HS6ST3: variants seen among roughly 807,000 people sequenced by gnomAD.
HS6ST3 encodes heparan sulfate 6-O-sulfotransferase 3, also known as heparan-sulfate 6-O-sulfotransferase 3.
In HS6ST3, 12 loss-of-function variants were observed where a neutral mutation model predicts 36.7. The observed-to-expected ratio is 0.33, with a 90% confidence interval of 0.21 to 0.53. The LOEUF (loss-of-function observed/expected upper bound fraction) is 0.53. HS6ST3 is among the 20% of genes least tolerant of loss of function. The pLI, the probability that HS6ST3 is intolerant of heterozygous loss-of-function variation, is 0.95. For synonymous variants in HS6ST3, 240 were observed against 257.5 expected, an observed-to-expected ratio of 0.93 and a Z score of 0.65; for missense variants, 584 against 640.9, an observed-to-expected ratio of 0.91 and a Z score of 0.96.
intron 1 of HS6ST3, among the ~76,000 whole-genome samples, chr13:96,439,500 A>G (rs2055659607): frequency 6.6e-6 from 1 of 152,232 alleles, no homozygotes; most frequent in Admixed American, 6.5e-5. Flanking sequence ...GCATGTGTAG[A>G]GGGTGAGAAT....
At chr13:96,825,767 A>T (rs571063943) in intron 1 of HS6ST3, among the ~76,000 whole-genome samples, 1 of 152,344 alleles carries the variant, frequency 6.6e-6, no homozygotes, top group South Asian at 2.1e-4. Flanking sequence ...GACTCATTAA[A>T]TGAACGTTTA....
chr13:96,301,833 G>A (rs890214900), intron 1 of HS6ST3, among the ~76,000 whole-genome samples: 5 of 150,286 alleles, frequency 3.3e-5, no homozygotes, highest in African/African-American at 4.9e-5. Flanking sequence ...CCCAGGAGGC[G>A]GACGTTGCAG....
In HS6ST3 at chr13:96,554,104, G is replaced by A. The variant is rs529328226; in HGVS notation, c.708-278386G>A. On this transcript the variant is annotated intron_variant, in intron 1 of 1. Coordinates refer to ENST00000376705, the MANE Select transcript of HS6ST3 (RefSeq NM_153456.4). The stretch of plus-strand genomic sequence containing the variant: ...AGATGTGAACATGTTCAGGCAATTA[G>A]AATGTGGTGCCACAGCTCAGGTTGT... Among the ~76,000 whole-genome samples the A allele has an allele frequency of 3.3e-5, 5 of 152,336 alleles. No individual in the cohort carries two copies. In the East Asian group the frequency reaches 9.7e-4, roughly 29 times the overall value.
intron 1 of HS6ST3, among the ~76,000 whole-genome samples, chr13:96,752,299 A>G (rs998802302): frequency 6.6e-5 from 10 of 152,056 alleles, no homozygotes; most frequent in Admixed American, 2.6e-4. Flanking sequence ...CTTGCCGTTT[A>G]CAATCATGCT....
intron 1 of HS6ST3, among the ~76,000 whole-genome samples, chr13:96,583,189 A>G (rs1394063681): frequency 1.4e-5 from 1 of 71,978 alleles, no homozygotes; most frequent in Non-Finnish European, 2.9e-5. Flanking sequence ...AATGGCTTCA[A>G]TTTCTTTTTC....
Position 96,335,734 on chromosome 13 carries a change from T to C in HS6ST3, c.707+244165T>C, listed in dbSNP as rs190340827. 6.5e-3 allele frequency among the ~76,000 whole-genome samples: 988 copies of C among 152,286 alleles called. 8 individuals carry two copies. The highest frequency in any genetic ancestry group is 0.01 in the Non-Finnish European group (708 of 68,016). ...ATTGGTGTAGTCCTCCTCTTTAGAG[T>C]TGATTTCCTCCGGCCTTCAGGGTCC... On this transcript the variant is annotated intron_variant, in intron 1 of 1. Transcript: ENST00000376705.
chr13:96,726,767 T>C (rs555798485), intron 1 of HS6ST3, among the ~76,000 whole-genome samples: 1 of 152,328 alleles, frequency 6.6e-6, no homozygotes, highest in African/African-American at 2.4e-5. Flanking sequence ...TAGCCACTTT[T>C]TTTTTCTTTC....
chr13:96,563,282 A>T (rs897245178), intron 1 of HS6ST3, among the ~76,000 whole-genome samples: 21 of 152,192 alleles, frequency 1.4e-4, no homozygotes, highest in African/African-American at 4.6e-4. Flanking sequence ...ACACTTAAGT[A>T]TATCATATCA....
At chr13:96,678,156 G>C (rs1488648024) in intron 1 of HS6ST3, among the ~76,000 whole-genome samples, 1 of 152,040 alleles carries the variant, frequency 6.6e-6, no homozygotes, top group Non-Finnish European at 1.5e-5. Flanking sequence ...GGAATGAACT[G>C]GCTTTTAAAA....
chr13:96,604,642 A>G (rs773732920), intron 1 of HS6ST3, among the ~76,000 whole-genome samples: 1 of 152,226 alleles, frequency 6.6e-6, no homozygotes, highest in Non-Finnish European at 1.5e-5. Context: ...TGCCATTATC[A>G]GAATTGAGCT....
At chr13:96,495,289 T>G (rs2055969397) in intron 1 of HS6ST3, among the ~76,000 whole-genome samples, 1 of 152,256 alleles carries the variant, frequency 6.6e-6, no homozygotes, top group South Asian at 2.1e-4. Context: ...TTTTTATTTC[T>G]AGGGTCATTG....
chr13:96,832,705 A>G lies in HS6ST3; in HGVS notation c.923A>G (p.Asn308Ser), dbSNP rs1054566348. ...FMDCTYNLAN[N>S]RQVRMLADLS... The stretch of plus-strand genomic sequence containing the variant: ...GATTGCACCTACAACCTGGCTAACA[A>G]TCGCCAGGTGCGCATGCTGGCTGAC... Residue 308 changes from asparagine to serine, a missense_variant, in exon 2 of 2, where the codon AAT (asparagine) becomes AGT (serine). Asn to Ser is a conservative substitution (Grantham distance 46, BLOSUM62 1). Coordinates refer to ENST00000376705, the MANE Select transcript of HS6ST3 (RefSeq NM_153456.4). The G allele has an allele frequency of 3.1e-6, 5 of 1,613,938 alleles. No individual in the cohort carries two copies. The African/African-American group carries it at 6.7e-5, about 22-fold the overall frequency.
At chr13:96,351,704 A>G (rs560001257) in intron 1 of HS6ST3, among the ~76,000 whole-genome samples, 3 of 152,296 alleles carry the variant, frequency 2.0e-5, no homozygotes, top group Non-Finnish European at 1.5e-5. Flanking sequence ...ACCGTAATAT[A>G]TTTTTAGAGG....
chr13:96,718,164 T>C (rs1023044464), intron 1 of HS6ST3, among the ~76,000 whole-genome samples: 6 of 152,196 alleles, frequency 3.9e-5, no homozygotes, highest in African/African-American at 9.7e-5. Context: ...GTAGTACTTA[T>C]TGCAGTGATT....
At chr13:96,773,990 C>A (rs1026088304) in intron 1 of HS6ST3, among the ~76,000 whole-genome samples, 2 of 152,174 alleles carry the variant, frequency 1.3e-5, no homozygotes, top group Non-Finnish European at 2.9e-5. Context: ...GAACAGGCAG[C>A]AATCTTTGCT....
intron 1 of HS6ST3, among the ~76,000 whole-genome samples, chr13:96,487,259 G>A (rs1370986048): frequency 6.6e-6 from 1 of 152,078 alleles, no homozygotes; most frequent in Non-Finnish European, 1.5e-5. Flanking sequence ...AACTCTAATA[G>A]TGCAATGTTA....
rs1878824723 is a variant in HS6ST3 at position 96,832,550 on chromosome 13, A to G, written c.768A>G (p.Lys256=). Residue 256 remains lysine, a synonymous_variant, in exon 2 of 2, where the codon AAA becomes AAG. Coordinates refer to ENST00000376705, the MANE Select transcript of HS6ST3 (RefSeq NM_153456.4). The part of the protein sequence containing the change: ...DPVSRYLSEW[K]HVQRGATWKT... ...TGTCACGTTACCTGAGCGAGTGGAAACATGTCCAGAGAGGGGCCACTTGGA... is the reference window on the plus strand; with the variant it reads ...TGTCACGTTACCTGAGCGAGTGGAAGCATGTCCAGAGAGGGGCCACTTGGA... 7 of 1,611,096 alleles carry G rather than the reference A, an allele frequency of 4.3e-6. No individual in the cohort carries two copies. Among genetic ancestry groups the G allele is most frequent in the Non-Finnish European group, 5.9e-6 (7 of 1,178,908 alleles).
At chr13:96,823,115 C>T (rs916662117) in intron 1 of HS6ST3, among the ~76,000 whole-genome samples, 2 of 152,222 alleles carry the variant, frequency 1.3e-5, no homozygotes, top group African/African-American at 4.8e-5. Context: ...CAGCCATGCT[C>T]TCTGTGCCCC....
Position 96,680,146 on chromosome 13 carries a change from C to T in HS6ST3, c.708-152344C>T, listed in dbSNP as rs184384195. Among the ~76,000 whole-genome samples, 66 of 152,228 alleles carry T rather than the reference C, an allele frequency of 4.3e-4. 1 individual carries two copies. In the East Asian group the frequency reaches 0.011, roughly 26 times the overall value. The stretch of plus-strand genomic sequence containing the variant: ...GCTATGAAAGACCTTAAGCCCATCC[C>T]AGCATCTCTCTCTGGGGGACAACTG... On this transcript the variant is annotated intron_variant, in intron 1 of 1. Transcript: ENST00000376705.
Sources: gnomAD v4.1 joint callset for allele counts (sites outside exome capture counted in the v4.1 genomes callset) on GRCh38, gnomAD v4.1.1 for gene constraint, MANE v1.5 for transcripts, NCBI Gene and HGNC (gene_info 2026-07-23, HGNC 2026-07-21) for gene names.